Variants in DNAH3 observed in about 807,000 individuals in gnomAD.
DNAH3 encodes axonemal beta dynein heavy chain 3.
Under a neutral mutation model 432.5 loss-of-function variants are expected in DNAH3, and 332 were observed. The observed-to-expected ratio is 0.77, with a 90% CI of 0.70 to 0.84. DNAH3 has a LOEUF of 0.84. Among genes scored for constraint, DNAH3 ranks in the 40% least tolerant of loss-of-function variants. The pLI is 0.00. For synonymous variants in DNAH3, 1,956 were observed against 1,900.2 expected, an observed-to-expected ratio of 1.03 and a Z score of -0.76; for missense variants, 4,861 against 5,114.0, an observed-to-expected ratio of 0.95 and a Z score of 1.51.
chr16:21,041,349 G>A (rs533819281), intron 32 of DNAH3, among the ~76,000 whole-genome samples: 1 of 152,096 alleles, frequency 6.6e-6, no homozygotes, highest in African/African-American at 2.4e-5. Context: ...CCAGCCTGGG[G>A]GACAGAATGA....
At chr16:21,100,642 A>G (rs530481056) in intron 16 of DNAH3, among the ~76,000 whole-genome samples, 12 of 152,258 alleles carry the variant, frequency 7.9e-5, no homozygotes, top group Admixed American at 6.5e-4. Context: ...TATGGCAGAG[A>G]GCAGCAGCTC....
chr16:21,073,601 C>T lies in DNAH3; in HGVS notation c.3084+1846G>A, dbSNP rs560060348. Among the ~76,000 whole-genome samples, 8 of 152,290 alleles carry T rather than the reference C, an allele frequency of 5.3e-5. No homozygotes were observed. The East Asian group carries it at 1.5e-3, about 29-fold the overall frequency. On this transcript the variant is annotated intron_variant, in intron 21 of 61. Coordinates refer to ENST00000261383, the Ensembl canonical transcript of DNAH3. Reference sequence around the variant, plus strand: ...TTTTGAACTGAAGGACATTGGAAGGCCTTGGAAGCAAGATCTTTCTGTCCA... The same window carrying T: ...TTTTGAACTGAAGGACATTGGAAGGTCTTGGAAGCAAGATCTTTCTGTCCA...
chr16:20,957,703 A>G (rs1179836825), intron 54 of DNAH3, among the ~76,000 whole-genome samples: 1 of 151,282 alleles, frequency 6.6e-6, no homozygotes, highest in Non-Finnish European at 1.5e-5. Context: ...TAGCCTCAGG[A>G]GGCCGAGGCA....
intron 35 of DNAH3, among the ~76,000 whole-genome samples, chr16:21,035,105 T>C (rs1448022734): frequency 6.6e-6 from 1 of 152,088 alleles, no homozygotes; most frequent in Non-Finnish European, 1.5e-5. Flanking sequence ...GGTGGGGGGA[T>C]CATTTGAGGT....
At chr16:21,061,421 G>C (rs1188809109) in intron 25 of DNAH3, among the ~76,000 whole-genome samples, 2 of 149,138 alleles carry the variant, frequency 1.3e-5, no homozygotes, top group Non-Finnish European at 3.0e-5. Context: ...ACAGGGTTTC[G>C]CCATGTTGGC....
At position 21,145,419 on chromosome 16, in the gene DNAH3, A is replaced by C; in HGVS notation, c.223-13T>G. 1 of 1,608,244 alleles carries C rather than the reference A, an allele frequency of 6.2e-7. No individual in the cohort carries two copies. The highest frequency in any genetic ancestry group is 1.1e-5 in the South Asian group (1 of 90,916). ...GTGACATGACAGTCTACGAGGTAAG[A>C]AGTGCAGAGTGAGACACAATGAGGA... On this transcript the variant is annotated splice_polypyrimidine_tract_variant and intron_variant, in intron 2 of 61. Transcript: ENST00000261383.
At chr16:20,954,823 G>A (rs34163207) in exon 55 of DNAH3, 145 of 1,614,038 alleles carry the variant, frequency 9.0e-5, no homozygotes, top group South Asian at 6.8e-4. Flanking sequence ...CTAGGGGGCC[G>A]AAGTTTCTTC....
chr16:20,985,494 G>A (rs760981972), exon 48 of DNAH3: 21 of 1,614,206 alleles, frequency 1.3e-5, no homozygotes, highest in Non-Finnish European at 1.8e-5. Context: ...AGATCCTAGA[G>A]ATGTGCTCAA....
chr16:21,048,573 G>A (rs1386795511), intron 31 of DNAH3, among the ~76,000 whole-genome samples: 1 of 152,194 alleles, frequency 6.6e-6, no homozygotes, highest in African/African-American at 2.4e-5. Flanking sequence ...TGCGCCCACT[G>A]TCTGGCACTC....
chr16:21,148,311 T>C (rs1489550600), intron 1 of DNAH3, among the ~76,000 whole-genome samples: 1 of 152,024 alleles, frequency 6.6e-6, no homozygotes, highest in Non-Finnish European at 1.5e-5. Flanking sequence ...TACAACCTCA[T>C]GAGATTTTTT....
chr16:21,020,017 C>A, intron 40 of DNAH3, 148 bp from the exon 41 acceptor site: 2 of 796,102 alleles, frequency 2.5e-6, no homozygotes, highest in Non-Finnish European at 3.8e-6. Context: ...GATCATTTCA[C>A]ATGCATTTTT....
At chr16:20,982,337 G>C (rs2085949535) in intron 49 of DNAH3, among the ~76,000 whole-genome samples, 1 of 152,108 alleles carries the variant, frequency 6.6e-6, no homozygotes. Context: ...TGTGAGCTGA[G>C]ATTGCACCAA....
exon 53 of DNAH3, chr16:20,964,780 C>T: frequency 6.2e-7 from 1 of 1,614,104 alleles, no homozygotes; most frequent in Non-Finnish European, 8.5e-7. Flanking sequence ...GTCACTGAAG[C>T]CAGGGATGAC....
chr16:21,084,834 A>C lies in DNAH3; in HGVS notation c.2877+2015T>G, dbSNP rs549329594. On this transcript the variant is annotated intron_variant, in intron 19 of 61. Transcript: ENST00000261383. ...GCATCATAGAGGAAGCACCAGGTGG[A>C]GCAGATGGCTTTCCCGGCCCCGCGG... Among the ~76,000 whole-genome samples, 6 of 152,174 alleles carry C rather than the reference A, an allele frequency of 3.9e-5. 1 individual carries two copies. Among genetic ancestry groups the C allele is most frequent in the Admixed American group, 3.3e-4 (5 of 15,262 alleles).
rs71149199 is a variant in DNAH3 at position 20,946,819 on chromosome 16, C to CTTTTT, written c.11343+1659_11343+1663dup. 4.5e-4 allele frequency among the ~76,000 whole-genome samples: 32 copies of CTTTTT among 70,896 alleles called. 1 individual carries two copies. The highest frequency in any genetic ancestry group is 8.0e-4 in the Admixed American group (4 of 5,028). 46.5% of individuals were successfully genotyped at this position (70,896 alleles called of 152,430 possible). A position where few individuals can be genotyped will look rare whatever the true frequency, so the allele number is the denominator to read the frequency against. ...TCCCCTGCCTTTCTGATTGTGAGTC[C>CTTTTT]TTTTTTTTTTTTTTTTTTTTTTTTT... On this transcript the variant is annotated intron_variant, in intron 57 of 61. Transcript: ENST00000261383.
At chr16:21,066,115 C>T (rs531390561) in intron 24 of DNAH3, among the ~76,000 whole-genome samples, 13 of 151,948 alleles carry the variant, frequency 8.6e-5, no homozygotes, top group East Asian at 1.9e-4. Flanking sequence ...CATAAGCCAC[C>T]GTGCTCAGTC....
chr16:21,086,887 A>ATGGG lies in DNAH3; in HGVS notation c.2838_2839insCCCA (p.Ser947ProfsTer17). On this transcript the variant is annotated frameshift_variant, in exon 19 of 62. Transcript: ENST00000261383. LOFTEE classifies it high-confidence loss of function. ...CGGTCTTTCATTCCTGGGTTGCAGG[A>ATGGG]AATACTGAGGATGGGAATGTACTGC... is the stretch of plus-strand genomic sequence containing the variant. 6.2e-7 allele frequency: 1 copy of ATGGG among 1,614,184 alleles called. No individual in the cohort carries two copies. Among genetic ancestry groups the ATGGG allele is most frequent in the Non-Finnish European group, 8.5e-7 (1 of 1,180,016 alleles).
chr16:20,935,663 C>T (rs2083559757), intron 60 of DNAH3, among the ~76,000 whole-genome samples, 178 bp from the exon 61 acceptor site: 1 of 151,938 alleles, frequency 6.6e-6, no homozygotes, highest in African/African-American at 2.4e-5. Context: ...AATATATTTA[C>T]ACTTTAAGAA....
chr16:20,996,759 A>T (rs3115445), intron 44 of DNAH3: 2 of 152,456 alleles, frequency 1.3e-5, no homozygotes, highest in Non-Finnish European at 2.9e-5. Flanking sequence ...GCACCCACTC[A>T]GTATGAAGAT....
Sources: allele counts gnomAD v4.1 joint callset (sites outside exome capture counted in the v4.1 genomes callset), GRCh38; gene constraint gnomAD v4.1.1; transcripts MANE v1.5; gene names NCBI Gene and HGNC (gene_info 2026-07-23, HGNC 2026-07-21).